SOS1: variants seen among roughly 807,000 people sequenced by gnomAD.
SOS1 encodes the protein SOS Ras/Rac guanine nucleotide exchange factor 1.
Under a neutral mutation model 157.6 loss-of-function variants are expected in SOS1, and 25 were observed. The ratio of observed to expected loss-of-function variants is 0.16; its 90% confidence interval spans 0.12 to 0.22. The LOEUF (loss-of-function observed/expected upper bound fraction) is 0.22, where lower values mean the gene tolerates loss of function less well. Among genes scored for constraint, SOS1 ranks in the 10% least tolerant of loss-of-function variants. The probability of loss-of-function intolerance (pLI) is 1.00; values close to 1 mark genes in which losing one functional copy is unlikely to be tolerated. For synonymous variants in SOS1, 528 were observed against 534.0 expected, an observed-to-expected ratio of 0.99 and a Z score of 0.16; for missense variants, 1,237 against 1,599.1, an observed-to-expected ratio of 0.77 and a Z score of 3.86.
intron 1 of SOS1, among the ~76,000 whole-genome samples, chr2:39,081,044 T>A (rs1672185111): frequency 6.6e-6 from 1 of 151,220 alleles, no homozygotes; most frequent in African/African-American, 2.4e-5. Flanking sequence ...AATAAAAAAA[T>A]TAGCTGGGTT....
At position 39,041,910 on chromosome 2, in the gene SOS1, A is replaced by G. The variant is rs139542340; in HGVS notation, c.865-6410T>C. On this transcript the variant is annotated intron_variant, in intron 6 of 22. Transcript: ENST00000402219. ...ATCTGTTGAGTACTTTCTGTGAATT[A>G]TGTGTTATGGAATGAATTTTTTTCC... Among the ~76,000 whole-genome samples the G allele has an allele frequency of 2.1e-3, 325 of 152,256 alleles. 4 individuals carry two copies. Among genetic ancestry groups the G allele is most frequent in the Admixed American group, 0.018 (281 of 15,290 alleles).
rs1671602845 is a variant in SOS1, at chr2:39,066,788, T to C, written c.213+840A>G. 2.6e-5 allele frequency among the ~76,000 whole-genome samples: 4 copies of C among 152,156 alleles called. No homozygotes were observed. The South Asian group carries it at 8.3e-4, about 31-fold the overall frequency. ...GAAATAATTCACTTACCACCTAAAATACATGTAACAACTGAAGATCAAAAC... is the reference window on the plus strand; with the variant it reads ...GAAATAATTCACTTACCACCTAAAACACATGTAACAACTGAAGATCAAAAC... On this transcript the variant is annotated intron_variant, in intron 2 of 22. Coordinates refer to ENST00000402219, the MANE Select transcript of SOS1 (RefSeq NM_005633.4).
chr2:39,096,147 G>A (rs185907285), intron 1 of SOS1, among the ~76,000 whole-genome samples: 2 of 152,178 alleles, frequency 1.3e-5, no homozygotes, highest in Non-Finnish European at 2.9e-5. Flanking sequence ...AACCTAGACA[G>A]GGGAAAGCAA....
intron 19 of SOS1, among the ~76,000 whole-genome samples, chr2:38,996,677 A>G (rs1454374122): frequency 6.6e-6 from 1 of 152,022 alleles, no homozygotes; most frequent in African/African-American, 2.4e-5. Flanking sequence ...TTTTTGGGGT[A>G]AAAAAAATTA....
At chr2:39,026,242 C>G (rs1669956549) in intron 8 of SOS1, among the ~76,000 whole-genome samples, 1 of 151,872 alleles carries the variant, frequency 6.6e-6, no homozygotes, top group South Asian at 2.1e-4. Flanking sequence ...GTAGTCCCAG[C>G]TACTCGGGAG....
Position 39,099,261 on chromosome 2 carries a change from A to G in SOS1, c.87+21075T>C, listed in dbSNP as rs145619359. Reference sequence around the variant, plus strand: ...GTATACATCAATGCAACACAATACTATTTAGTCGTAGAAATGAAGTACTGA... The same window carrying G: ...GTATACATCAATGCAACACAATACTGTTTAGTCGTAGAAATGAAGTACTGA... On this transcript the variant is annotated intron_variant, in intron 1 of 22. Coordinates refer to ENST00000402219, the MANE Select transcript of SOS1 (RefSeq NM_005633.4). Among the ~76,000 whole-genome samples the G allele has an allele frequency of 1.6e-3, 238 of 152,358 alleles. 1 individual carries two copies. The highest frequency in any genetic ancestry group is 0.014 in the Middle Eastern group (4 of 294).
In SOS1 at chr2:39,014,746, A is replaced by G; in HGVS notation, c.1940+19T>C. 2 of 1,323,676 alleles carry G rather than the reference A, an allele frequency of 1.5e-6. No individual in the cohort carries two copies. The highest frequency in any genetic ancestry group is 2.2e-6 in the Non-Finnish European group (2 of 925,860). The allele number at this position is 1,323,676 out of a possible 1,614,324, so 82.0% of individuals were successfully genotyped here. ...TTAACAAAAAATAATGAATTTAAATATTTTTTAAATGGACAGACCTTTCTA... is the reference window on the plus strand; with the variant it reads ...TTAACAAAAAATAATGAATTTAAATGTTTTTTAAATGGACAGACCTTTCTA... On this transcript the variant is annotated intron_variant, in intron 11 of 22. Coordinates refer to ENST00000402219, the MANE Select transcript of SOS1 (RefSeq NM_005633.4).
At chr2:39,091,454 T>C (rs1672591429) in intron 1 of SOS1, among the ~76,000 whole-genome samples, 1 of 152,186 alleles carries the variant, frequency 6.6e-6, no homozygotes, top group South Asian at 2.1e-4. Flanking sequence ...GTATAAATAA[T>C]CGTCTATAAG....
intron 6 of SOS1, among the ~76,000 whole-genome samples, chr2:39,041,356 C>T (rs146174819): frequency 7.2e-5 from 11 of 152,248 alleles, no homozygotes; most frequent in African/African-American, 2.6e-4. Flanking sequence ...TATATATCTT[C>T]ATTGGAGAAA....
intron 1 of SOS1, among the ~76,000 whole-genome samples, chr2:39,097,367 C>A (rs1205991091): frequency 6.6e-6 from 1 of 152,048 alleles, no homozygotes; most frequent in Non-Finnish European, 1.5e-5. Context: ...ATTAAGGAAG[C>A]GGTCCATGAA....
intron 6 of SOS1, among the ~76,000 whole-genome samples, chr2:39,041,278 G>A (rs554295735): frequency 6.6e-6 from 1 of 152,070 alleles, no homozygotes; most frequent in Non-Finnish European, 1.5e-5. Context: ...GCTTCATAGA[G>A]GTTTTGATTT....
chr2:39,043,110 A>G (rs1193175671), intron 6 of SOS1, among the ~76,000 whole-genome samples: 1 of 152,178 alleles, frequency 6.6e-6, no homozygotes, highest in Non-Finnish European at 1.5e-5. Flanking sequence ...CTATTATTAT[A>G]TCTCTTACAG....
chr2:39,040,474 A>G (rs1670532350), intron 6 of SOS1, among the ~76,000 whole-genome samples: 1 of 152,128 alleles, frequency 6.6e-6, no homozygotes, highest in South Asian at 2.1e-4. Context: ...TATCCATTAA[A>G]CAGTAACTGA....
At chr2:39,062,574 T>C (rs536678121) in intron 2 of SOS1, among the ~76,000 whole-genome samples, 2 of 112,630 alleles carry the variant, frequency 1.8e-5, no homozygotes, top group East Asian at 2.6e-4. Context: ...CTAATGACAA[T>C]AAAAAGTCTA....
intron 15 of SOS1, among the ~76,000 whole-genome samples, chr2:39,008,072 G>T (rs995027303): frequency 6.6e-6 from 1 of 152,180 alleles, no homozygotes; most frequent in African/African-American, 2.4e-5. Flanking sequence ...GCAGGAGCAG[G>T]ACTTCAGTTT....
chr2:39,023,737 A>G (rs1426811448), intron 9 of SOS1: 15 of 377,272 alleles, frequency 4.0e-5, no homozygotes, highest in African/African-American at 2.1e-5. Context: ...GCCAACATAA[A>G]TCTACCCGAT....
chr2:39,009,829 G>C (rs1669402551), intron 15 of SOS1, among the ~76,000 whole-genome samples: 1 of 152,140 alleles, frequency 6.6e-6, no homozygotes, highest in Non-Finnish European at 1.5e-5. Flanking sequence ...AGCTGATTCT[G>C]ATAAGATGTG....
intron 9 of SOS1, 99 bp from the exon 10 acceptor site, chr2:39,023,324 A>C: frequency 1.2e-6 from 1 of 827,924 alleles, no homozygotes; most frequent in Non-Finnish European, 1.9e-6. Flanking sequence ...TACAAGTCTC[A>C]CTGAGAAGGT....
intron 1 of SOS1, among the ~76,000 whole-genome samples, chr2:39,103,514 G>C (rs1319525950): frequency 2.0e-5 from 3 of 152,322 alleles, no homozygotes; most frequent in Admixed American, 6.5e-5. Context: ...ATGACCAACT[G>C]ATTTGTGCCA....
Sources: allele counts gnomAD v4.1 joint callset (sites outside exome capture counted in the v4.1 genomes callset), GRCh38; gene constraint gnomAD v4.1.1; transcripts MANE v1.5; gene names NCBI Gene and HGNC (gene_info 2026-07-23, HGNC 2026-07-21).